The following RIMS3 variants were observed in gnomAD, a reference collection of about 807,000 sequenced individuals.
RIMS3 encodes regulating synaptic membrane exocytosis protein 3.
RIMS3 carries 15 observed loss-of-function variants against 29.2 expected under a neutral mutation model. That is an observed-to-expected ratio of 0.51 (90% CI 0.34 to 0.79). RIMS3 has a LOEUF of 0.79. Ranked by LOEUF, RIMS3 falls within the 30% of genes least tolerant of loss-of-function variation. The pLI is 0.01. For synonymous variants in RIMS3, 161 were observed against 170.1 expected, an observed-to-expected ratio of 0.95 and a Z score of 0.41; for missense variants, 342 against 421.4, an observed-to-expected ratio of 0.81 and a Z score of 1.65.
the RIMS3 span, among the ~76,000 whole-genome samples, chr1:40,676,415 C>G: frequency 6.6e-6 from 1 of 152,154 alleles, no homozygotes; most frequent in Admixed American, 6.5e-5. Flanking sequence ...GTTAAAGAGC[C>G]TGTTAGAGGA....
chr1:40,645,937 C>G (rs74068547), intron 2 of RIMS3, among the ~76,000 whole-genome samples: 2,070 of 152,282 alleles, frequency 0.014, 49 homozygotes, highest in African/African-American at 0.047. Flanking sequence ...GCAGGCCACT[C>G]CCCAAGGGGC....
intron 6 of RIMS3, 79 bp downstream of exon 6, chr1:40,629,192 T>C: frequency 7.8e-7 from 1 of 1,286,702 alleles, no homozygotes; most frequent in Admixed American, 1.7e-5. Context: ...TTTAGGCCAG[T>C]GGGAGCTGAG....
Position 40,643,546 on chromosome 1 carries a change from G to A in RIMS3, c.-31-1590C>T, listed in dbSNP as rs972087312. ...GGCTGGAGTGCAGTGGCACGATCTC[G>A]ACTCACTGGAACCTCTGCCACTCAG... On this transcript the variant is annotated intron_variant, in intron 2 of 7. Coordinates refer to ENST00000372684, the MANE Select transcript of RIMS3 (RefSeq NM_014747.3). Among the ~76,000 whole-genome samples the A allele has an allele frequency of 2.8e-5, 4 of 144,764 alleles. No individual in the cohort carries two copies. The East Asian group carries it at 6.0e-4, about 22-fold the overall frequency. The allele number at this position is 144,764 out of a possible 152,430, so 95.0% of individuals were successfully genotyped here.
intron 1 of RIMS3, among the ~76,000 whole-genome samples, chr1:40,661,403 C>T (rs1010108267): frequency 3.3e-5 from 5 of 152,258 alleles, no homozygotes; most frequent in African/African-American, 9.6e-5. Flanking sequence ...TACCCCTACC[C>T]GATTTGTGGG....
In RIMS3 at chr1:40,626,441, G is replaced by T; in HGVS notation, c.*76C>A. On this transcript the variant is annotated 3_prime_UTR_variant, in exon 8 of 8. Coordinates refer to ENST00000372684, the MANE Select transcript of RIMS3 (RefSeq NM_014747.3). The stretch of plus-strand genomic sequence containing the variant: ...GACAAGGGGTCCAGAAAGACACGAA[G>T]ACTATGTACAGGGGAGGACATGGGG... 1 of 1,325,542 alleles carries T rather than the reference G, an allele frequency of 7.5e-7. No individual in the cohort carries two copies. Among genetic ancestry groups the T allele is most frequent in the Non-Finnish European group, 1.1e-6 (1 of 943,758 alleles). The allele number at this position is 1,325,542 out of a possible 1,614,324, so 82.1% of individuals were successfully genotyped here.
intron 1 of RIMS3, among the ~76,000 whole-genome samples, chr1:40,649,175 G>A (rs562981494): frequency 1.6e-4 from 23 of 144,950 alleles, no homozygotes; most frequent in Admixed American, 1.2e-3. Context: ...AGGCTGGCAC[G>A]TGCATGCACA....
intron 7 of RIMS3, among the ~76,000 whole-genome samples, chr1:40,628,067 T>C (rs1029739036): frequency 6.6e-6 from 1 of 152,176 alleles, no homozygotes; most frequent in East Asian, 1.9e-4. Context: ...ACCACCATGA[T>C]TGTTAATACT....
intron 1 of RIMS3, among the ~76,000 whole-genome samples, chr1:40,651,830 T>C (rs1646633719): frequency 6.6e-6 from 1 of 152,190 alleles, no homozygotes; most frequent in Non-Finnish European, 1.5e-5. Flanking sequence ...ACTGTATTAA[T>C]GTTATAATAA....
At chr1:40,686,841 T>C in the RIMS3 span, among the ~76,000 whole-genome samples, 1 of 152,180 alleles carries the variant, frequency 6.6e-6, no homozygotes, top group South Asian at 2.1e-4. Context: ...CCTAAACCAT[T>C]GTGGAAGTCT....
At position 40,629,338 on chromosome 1, in the gene RIMS3, G is replaced by T. The variant is rs200917411; in HGVS notation, c.507C>A (p.Gly169=). 306 of 1,614,150 alleles carry T rather than the reference G, an allele frequency of 1.9e-4. 1 individual carries two copies. The highest frequency in any genetic ancestry group is 1.3e-3 in the Middle Eastern group (8 of 6,062). The change falls in exon 6 of 8, where the codon GGC becomes GGA. Residue 169 remains glycine (G), a synonymous_variant. Coordinates refer to ENST00000372684, the MANE Select transcript of RIMS3 (RefSeq NM_014747.3). Reference sequence around the variant, plus strand: ...CTTCAATCACTTCCACCTCCAGCTGGCCACTCCGGTCCATGATGGCAATGT... The same window carrying T: ...CTTCAATCACTTCCACCTCCAGCTGTCCACTCCGGTCCATGATGGCAATGT... ...DVHIAIMDRS[G]QLEVEVIEAR... is the part of the protein sequence containing the mutation.
At chr1:40,677,282 G>A in the RIMS3 span, among the ~76,000 whole-genome samples, 1 of 151,790 alleles carries the variant, frequency 6.6e-6, no homozygotes, top group Non-Finnish European at 1.5e-5. Context: ...TGGGATTACA[G>A]GTGTGAGCCA....
At chr1:40,677,929 G>A in the RIMS3 span, among the ~76,000 whole-genome samples, 1 of 152,060 alleles carries the variant, frequency 6.6e-6, no homozygotes, top group African/African-American at 2.4e-5. Context: ...AGTGGCTTGC[G>A]AAGCACCAGG....
chr1:40,623,288 GT>G lies in RIMS3; in HGVS notation c.*3228del. 1 of 397,766 alleles carries G rather than the reference GT, an allele frequency of 2.5e-6. No individual in the cohort carries two copies. The highest frequency in any genetic ancestry group is 3.6e-5 in the East Asian group (1 of 28,060). 24.6% of individuals were successfully genotyped at this position (397,766 alleles called of 1,614,324 possible). On this transcript the variant is annotated 3_prime_UTR_variant, in exon 8 of 8. Coordinates refer to ENST00000372684, the MANE Select transcript of RIMS3 (RefSeq NM_014747.3). ...AGATGATTCTTCCCTGAAGGATCAA[GT>G]TCCCCTTGTCAAACCAAGACTTGGC...
chr1:40,634,215 A>C (rs1296141096), intron 4 of RIMS3, among the ~76,000 whole-genome samples: 5 of 152,112 alleles, frequency 3.3e-5, no homozygotes, highest in African/African-American at 1.2e-4. Context: ...CCTACTAGAT[A>C]GTTTGGCCTT....
At chr1:40,630,796 G>C (rs755184974) in intron 5 of RIMS3, among the ~76,000 whole-genome samples, 16 of 152,214 alleles carry the variant, frequency 1.1e-4, no homozygotes, top group African/African-American at 3.9e-4. Context: ...CTGTGGCTGG[G>C]TCTAGGGCTG....
At chr1:40,646,838 C>G (rs926185791) in intron 2 of RIMS3, among the ~76,000 whole-genome samples, 2 of 152,130 alleles carry the variant, frequency 1.3e-5, no homozygotes, top group Admixed American at 6.5e-5. Context: ...TACCAGGCTA[C>G]CCTGGGCCCC....
the RIMS3 span, among the ~76,000 whole-genome samples, chr1:40,679,755 A>G: frequency 1.4e-4 from 22 of 152,306 alleles, no homozygotes; most frequent in African/African-American, 5.3e-4. Flanking sequence ...TTTGCTGGGA[A>G]GGCGGGCACA....
rs113987748 is a variant in RIMS3, at chr1:40,643,422, C to T, written c.-31-1466G>A. 7.9e-3 allele frequency among the ~76,000 whole-genome samples: 1,204 copies of T among 151,582 alleles called. 20 individuals are homozygous for T. The highest frequency in any genetic ancestry group is 0.028 in the African/African-American group (1,149 of 41,260). ...TGCTGGGATTATAGACATGAGCCAC[C>T]GGGCCTGGCTTCTTTCCTCTCTTTT... On this transcript the variant is annotated intron_variant, in intron 2 of 7. Coordinates refer to ENST00000372684, the MANE Select transcript of RIMS3 (RefSeq NM_014747.3).
chr1:40,670,179 A>G (rs1417243306), upstream of RIMS3, among the ~76,000 whole-genome samples: 2 of 152,228 alleles, frequency 1.3e-5, no homozygotes, highest in Non-Finnish European at 2.9e-5. Flanking sequence ...ACAAATATCA[A>G]GTATTTATTA....
Sources: allele counts gnomAD v4.1 joint callset (sites outside exome capture counted in the v4.1 genomes callset), GRCh38; gene constraint gnomAD v4.1.1; transcripts MANE v1.5; gene names NCBI Gene and HGNC (gene_info 2026-07-23, HGNC 2026-07-21).